The following ETS1 variants were observed in gnomAD, a reference collection of about 807,000 sequenced individuals.
ETS1 encodes the protein protein C-ets-1.
ETS1 carries 15 observed loss-of-function variants against 58.6 expected under a neutral mutation model. The ratio of observed to expected loss-of-function variants is 0.26; its 90% confidence interval spans 0.17 to 0.39. The LOEUF is 0.39. ETS1 is among the 10% of genes least tolerant of loss of function. The probability of loss-of-function intolerance (pLI) is 1.00; values close to 1 mark genes in which losing one functional copy is unlikely to be tolerated. For synonymous variants in ETS1, 214 were observed against 218.2 expected (o/e 0.98, Z 0.17); for missense variants, 417 against 610.5 (o/e 0.68, Z 3.34).
chr11:128,571,997 T>A (rs1398551315), intron 2 of ETS1: 1 of 150,714 alleles, frequency 6.6e-6, no homozygotes, highest in East Asian at 2.0e-4. Context: ...TGAGCAGAGA[T>A]CAAACCACTG....
At chr11:128,572,985 G>A in intron 2 of ETS1, 77 bp downstream of exon 2, 1 of 1,160,266 alleles carries the variant, frequency 8.6e-7, no homozygotes. Flanking sequence ...GTCTACTGGG[G>A]GTCAGGATAC....
intron 3 of ETS1, among the ~76,000 whole-genome samples, chr11:128,533,868 G>A (rs1239874939): frequency 6.6e-6 from 1 of 152,234 alleles, no homozygotes; most frequent in Non-Finnish European, 1.5e-5. Flanking sequence ...CTTAATAAGT[G>A]TTGGAAGAAT....
chr11:128,577,893 G>T (rs1335078501), intron 1 of ETS1, among the ~76,000 whole-genome samples: 5 of 145,896 alleles, frequency 3.4e-5, no homozygotes, highest in Admixed American at 1.4e-4. Flanking sequence ...ACGTGGGAGG[G>T]AATTCTCTTC....
At chr11:128,534,420 T>C (rs1421420201) in intron 3 of ETS1, among the ~76,000 whole-genome samples, 1 of 152,204 alleles carries the variant, frequency 6.6e-6, no homozygotes, top group Non-Finnish European at 1.5e-5. Flanking sequence ...TTTTCCTTTT[T>C]TAAGAATATT....
At chr11:128,585,819 A>C (rs927550192) in intron 1 of ETS1, among the ~76,000 whole-genome samples, 2 of 152,210 alleles carry the variant, frequency 1.3e-5, no homozygotes, top group African/African-American at 4.8e-5. Flanking sequence ...TTACAAAGCT[A>C]ATCACTGACA....
Position 128,459,798 on chromosome 11 carries a change from T to C in ETS1, c.*2563A>G, listed in dbSNP as rs1393260000. 1.3e-5 allele frequency: 2 copies of C among 152,746 alleles called. No homozygotes were observed. Among genetic ancestry groups the C allele is most frequent in the Admixed American group, 6.5e-5 (1 of 15,280 alleles). 9.5% of individuals were successfully genotyped at this position (152,746 alleles called of 1,614,324 possible). A position where few individuals can be genotyped will look rare whatever the true frequency, so the allele number is the denominator to read the frequency against. On this transcript the variant is annotated 3_prime_UTR_variant, in exon 10 of 10. Transcript: ENST00000392668. ...GTGGACTTAGAGAGAAAGGGAATTT[T>C]AGCAAACAAGCGGGCGGAGGAGCAC... is the stretch of plus-strand genomic sequence containing the variant.
intron 3 of ETS1, among the ~76,000 whole-genome samples, chr11:128,529,510 G>A (rs1041881502): frequency 3.3e-5 from 5 of 152,144 alleles, no homozygotes; most frequent in Non-Finnish European, 7.3e-5. Flanking sequence ...ATCTACTAAT[G>A]GGTAATCAAG....
At chr11:128,522,189 A>G in intron 3 of ETS1, 1 of 1,247,792 alleles carries the variant, frequency 8.0e-7, no homozygotes, top group Non-Finnish European at 1.0e-6. Flanking sequence ...GGAAGTTGGC[A>G]CTTTGCGGCG....
At position 128,552,241 on chromosome 11, in the gene ETS1, T is replaced by G. The variant is rs1301225521; in HGVS notation, c.214+4050A>C. ...ACACAAGCAACCTGGGTCCAGCGTCTGGGTTCTTTCCTACTACACTAAATA... is the reference window on the plus strand; with the variant it reads ...ACACAAGCAACCTGGGTCCAGCGTCGGGGTTCTTTCCTACTACACTAAATA... On this transcript the variant is annotated intron_variant, in intron 3 of 9. Coordinates refer to ENST00000392668, the MANE Select transcript of ETS1 (RefSeq NM_001143820.2). Among the ~76,000 whole-genome samples the G allele has an allele frequency of 2.6e-5, 4 of 152,174 alleles. No individual in the cohort carries two copies. In the East Asian group the frequency reaches 7.7e-4, roughly 29 times the overall value.
At position 128,549,226 on chromosome 11, in the gene ETS1, G is replaced by A. The variant is rs1864188522; in HGVS notation, c.214+7065C>T. On this transcript the variant is annotated intron_variant, in intron 3 of 9. Coordinates refer to ENST00000392668, the MANE Select transcript of ETS1 (RefSeq NM_001143820.2). This position sits in a 1 kb window ranked among gnomAD's most constrained non-coding sequence, Gnocchi z 4.3. Reference sequence around the variant, plus strand: ...ACACAGCACTACAGGCTGTCCCTGCGGCGCAGCCCGCCCCCACCCTCCACT... The same window carrying A: ...ACACAGCACTACAGGCTGTCCCTGCAGCGCAGCCCGCCCCCACCCTCCACT... 6.6e-6 allele frequency among the ~76,000 whole-genome samples: 1 copy of A among 152,086 alleles called. No homozygotes were observed. The highest frequency in any genetic ancestry group is 1.5e-5 in the Non-Finnish European group (1 of 68,024).
intron 3 of ETS1, 151 bp downstream of exon 3, chr11:128,556,140 A>G (rs1267228539): frequency 1.7e-6 from 1 of 597,816 alleles, no homozygotes; most frequent in Admixed American, 3.5e-5. Context: ...CCCAAAATTT[A>G]TGGAGAAGGC....
At chr11:128,532,727 T>C (rs1212534404) in intron 3 of ETS1, among the ~76,000 whole-genome samples, 1 of 152,088 alleles carries the variant, frequency 6.6e-6, no homozygotes, top group African/African-American at 2.4e-5. Context: ...CTGTTCTTGT[T>C]CTTCTTTTCT....
intron 3 of ETS1, among the ~76,000 whole-genome samples, chr11:128,555,196 AC>A (rs1373503352): frequency 1.3e-5 from 2 of 152,146 alleles, no homozygotes; most frequent in Non-Finnish European, 2.9e-5. Context: ...CTCCTCACCC[AC>A]CATACACACA....
intron 3 of ETS1, among the ~76,000 whole-genome samples, chr11:128,529,517 C>T (rs1325674419): frequency 6.6e-6 from 1 of 152,094 alleles, no homozygotes; most frequent in Non-Finnish European, 1.5e-5. Flanking sequence ...AATGGGTAAT[C>T]AAGATGTTGG....
intron 7 of ETS1, among the ~76,000 whole-genome samples, chr11:128,480,872 C>T (rs1862467901): frequency 6.6e-6 from 1 of 152,108 alleles, no homozygotes; most frequent in African/African-American, 2.4e-5. Flanking sequence ...AGGCTGAATT[C>T]CCCACTCCAG....
rs1591582862 is a variant in ETS1 at position 128,460,451 on chromosome 11, G to A, written c.*1910C>T. On this transcript the variant is annotated 3_prime_UTR_variant, in exon 10 of 10. Transcript: ENST00000392668. ...AATTTTCTTAAAGATATGCTAGAAA[G>A]TAGTTAGTACTTCCAATTTCTCATC... The A allele has an allele frequency of 2.6e-5, 4 of 152,718 alleles. No homozygotes were observed. The highest frequency in any genetic ancestry group is 2.6e-4 in the Admixed American group (4 of 15,306). 9.5% of individuals were successfully genotyped at this position (152,718 alleles called of 1,614,324 possible). A position where few individuals can be genotyped will look rare whatever the true frequency, so the allele number is the denominator to read the frequency against.
intron 8 of ETS1, among the ~76,000 whole-genome samples, chr11:128,467,078 C>T (rs1256332402): frequency 6.6e-6 from 1 of 152,164 alleles, no homozygotes; most frequent in Non-Finnish European, 1.5e-5. Context: ...TTTGCTGACT[C>T]CTAAACTGCC....
At chr11:128,538,955 T>C (rs968558033) in intron 3 of ETS1, among the ~76,000 whole-genome samples, 5 of 152,182 alleles carry the variant, frequency 3.3e-5, no homozygotes, top group Non-Finnish European at 5.9e-5. Flanking sequence ...GGACAGACAA[T>C]GGAGAAAGAA....
chr11:128,478,359 A>G (rs1328546890), intron 8 of ETS1, among the ~76,000 whole-genome samples: 2 of 17,224 alleles, frequency 1.2e-4, no homozygotes, highest in African/African-American at 4.9e-4. Context: ...GGAGGAAGGA[A>G]GGAGGAAGGA....
Sources: allele counts gnomAD v4.1 joint callset (sites outside exome capture counted in the v4.1 genomes callset), GRCh38; gene constraint gnomAD v4.1.1; non-coding constraint Gnocchi (gnomAD v3.1); transcripts MANE v1.5; gene names NCBI Gene and HGNC (gene_info 2026-07-23, HGNC 2026-07-21).